Variants in TMEM117 observed in about 807,000 individuals in gnomAD.
The protein encoded by TMEM117 is transmembrane protein 117.
TMEM117 carries 27 observed loss-of-function variants against 52.4 expected under a neutral mutation model. That is an observed-to-expected ratio of 0.51 (90% CI 0.38 to 0.71). The LOEUF (loss-of-function observed/expected upper bound fraction) is 0.71. Among genes scored for constraint, TMEM117 ranks in the 30% least tolerant of loss-of-function variants. The pLI, the probability that TMEM117 is intolerant of heterozygous loss-of-function variation, is 0.00. For missense variants in TMEM117, 556 were observed against 630.5 expected (o/e 0.88, Z 1.26); for synonymous variants, 215 against 206.3 (o/e 1.04, Z -0.36).
At chr12:44,320,974 T>C (rs1285218157) in intron 6 of TMEM117, among the ~76,000 whole-genome samples, 1 of 152,196 alleles carries the variant, frequency 6.6e-6, no homozygotes, top group African/African-American at 2.4e-5. Context: ...TATTCACATT[T>C]TAAAGAAAAG....
At chr12:43,878,473 A>C (rs1307278006) in intron 2 of TMEM117, among the ~76,000 whole-genome samples, 1 of 152,202 alleles carries the variant, frequency 6.6e-6, no homozygotes, top group Non-Finnish European at 1.5e-5. Context: ...AAATGTTTCA[A>C]TTTAAGAAAT....
At chr12:44,090,430 ATTTATTTATTTATTTATTTATTTT>A (rs1232681143) in intron 3 of TMEM117, among the ~76,000 whole-genome samples, 2 of 146,492 alleles carry the variant, frequency 1.4e-5, no homozygotes, top group Non-Finnish European at 3.0e-5. Flanking sequence ...TTATTTATTT[ATTTATTTATTTATTTATTTATTTT>A]GAGACTGAGT....
At chr12:44,235,983 CT>C (rs1418104329) in intron 5 of TMEM117, among the ~76,000 whole-genome samples, 2 of 151,822 alleles carry the variant, frequency 1.3e-5, no homozygotes, top group Non-Finnish European at 2.9e-5. Flanking sequence ...GAGATGGCCG[CT>C]TAGTCTGTCC....
chr12:43,953,541 A>G (rs1033413715), intron 3 of TMEM117, among the ~76,000 whole-genome samples: 3 of 152,230 alleles, frequency 2.0e-5, no homozygotes, highest in African/African-American at 7.2e-5. Flanking sequence ...ACAAAGGTCA[A>G]AAAAGACAAA....
At chr12:44,173,251 A>G (rs1949073368) in intron 4 of TMEM117, among the ~76,000 whole-genome samples, 1 of 151,892 alleles carries the variant, frequency 6.6e-6, no homozygotes, top group Non-Finnish European at 1.5e-5. Context: ...AATTTTTTGT[A>G]TTTTTAGTAG....
At chr12:43,876,183 G>T (rs1654285470) in intron 2 of TMEM117, among the ~76,000 whole-genome samples, 2 of 152,084 alleles carry the variant, frequency 1.3e-5, no homozygotes, top group Non-Finnish European at 2.9e-5. Flanking sequence ...TGTTCACCTT[G>T]CATTTATGAT....
chr12:44,119,747 C>G (rs1948203119), intron 3 of TMEM117, among the ~76,000 whole-genome samples: 1 of 152,152 alleles, frequency 6.6e-6, no homozygotes, highest in Non-Finnish European at 1.5e-5. Flanking sequence ...AAGAAAAATA[C>G]TGATGCATTT....
At chr12:44,108,270 A>T (rs907472437) in intron 3 of TMEM117, among the ~76,000 whole-genome samples, 2 of 147,706 alleles carry the variant, frequency 1.4e-5, no homozygotes, top group Non-Finnish European at 3.0e-5. Context: ...TTAGTTACAT[A>T]TGTATACATG....
chr12:43,940,603 G>A (rs949573111), intron 2 of TMEM117, among the ~76,000 whole-genome samples: 4 of 151,892 alleles, frequency 2.6e-5, no homozygotes, highest in Admixed American at 2.0e-4. Context: ...GTGCAATGGT[G>A]TGATCTTGGC....
chr12:43,931,131 C>G (rs532602941), intron 2 of TMEM117, among the ~76,000 whole-genome samples: 1 of 152,294 alleles, frequency 6.6e-6, no homozygotes, highest in African/African-American at 2.4e-5. Flanking sequence ...TCACACAGGA[C>G]TAAGAATAGT....
At chr12:43,932,941 G>A (rs1324705888) in intron 2 of TMEM117, among the ~76,000 whole-genome samples, 3 of 152,114 alleles carry the variant, frequency 2.0e-5, no homozygotes, top group African/African-American at 4.8e-5. Flanking sequence ...ACAAATAATA[G>A]CAATACTGTA....
intron 6 of TMEM117, among the ~76,000 whole-genome samples, chr12:44,316,905 G>T (rs1439291723): frequency 6.6e-6 from 1 of 150,912 alleles, no homozygotes; most frequent in African/African-American, 2.4e-5. Flanking sequence ...TTCTTTAATT[G>T]AATTTTTCAA....
intron 3 of TMEM117, among the ~76,000 whole-genome samples, chr12:43,960,277 A>G (rs1204176441): frequency 6.7e-6 from 1 of 149,818 alleles, no homozygotes; most frequent in African/African-American, 2.4e-5. Context: ...GGGTTGACCC[A>G]GGGAGGCCCT....
At chr12:44,230,921 T>C (rs1213758204) in intron 5 of TMEM117, among the ~76,000 whole-genome samples, 1 of 151,978 alleles carries the variant, frequency 6.6e-6, no homozygotes, top group Non-Finnish European at 1.5e-5. Context: ...CAATGTGTTC[T>C]TTTTAAAAAT....
At chr12:44,218,527 C>A (rs1433808286) in intron 5 of TMEM117, among the ~76,000 whole-genome samples, 2 of 152,190 alleles carry the variant, frequency 1.3e-5, no homozygotes, top group Non-Finnish European at 2.9e-5. Flanking sequence ...CAGCTAACAT[C>A]ATACTCAGTG....
chr12:44,275,483 T>TA (rs555551325), intron 5 of TMEM117, among the ~76,000 whole-genome samples: 110 of 152,124 alleles, frequency 7.2e-4, no homozygotes, highest in Admixed American at 1.4e-3. Flanking sequence ...ATATCAAAGA[T>TA]ATATCTGCAG....
At chr12:44,107,955 C>T (rs1947989864) in intron 3 of TMEM117, among the ~76,000 whole-genome samples, 1 of 152,108 alleles carries the variant, frequency 6.6e-6, no homozygotes, top group Admixed American at 6.6e-5. Context: ...AGTATCTGAC[C>T]TGGCTTCTAC....
chr12:43,888,600 T>A (rs1405968609), intron 2 of TMEM117, among the ~76,000 whole-genome samples: 2 of 142,898 alleles, frequency 1.4e-5, no homozygotes, highest in African/African-American at 5.3e-5. Context: ...CAGGCTGGAG[T>A]GCAGTGGCAT....
chr12:44,314,921 T>C (rs985516462), intron 6 of TMEM117, among the ~76,000 whole-genome samples: 5 of 152,168 alleles, frequency 3.3e-5, no homozygotes, highest in Admixed American at 2.6e-4. Context: ...TTTTGACTAA[T>C]TCAATTTTGT....
Sources: allele counts gnomAD v4.1 joint callset (sites outside exome capture counted in the v4.1 genomes callset), GRCh38; gene constraint gnomAD v4.1.1; transcripts MANE v1.5; gene names NCBI Gene and HGNC (gene_info 2026-07-23, HGNC 2026-07-21).